Variants in SENP5 observed in about 807,000 individuals in gnomAD.
SENP5 encodes the protein sentrin-specific protease 5.
Under a neutral mutation model 74.2 loss-of-function variants are expected in SENP5, and 21 were observed. That is an observed-to-expected ratio of 0.28 (90% CI 0.20 to 0.41). The LOEUF is 0.41. Ranked by LOEUF, SENP5 falls within the 10% of genes least tolerant of loss-of-function variation. The pLI is 1.00. For missense variants in SENP5, 717 were observed against 889.1 expected, an observed-to-expected ratio of 0.81 and a Z score of 2.46; for synonymous variants, 311 against 312.7, an observed-to-expected ratio of 0.99 and a Z score of 0.06.
chr3:196,927,481 C>G (rs1243783360), intron 7 of SENP5, among the ~76,000 whole-genome samples: 1 of 152,006 alleles, frequency 6.6e-6, no homozygotes, highest in African/African-American at 2.4e-5. Context: ...AAATAAAGTC[C>G]CGGCTTTAGC....
intron 6 of SENP5, among the ~76,000 whole-genome samples, chr3:196,910,658 T>A (rs895003242): frequency 1.3e-5 from 2 of 152,036 alleles, no homozygotes; most frequent in Non-Finnish European, 2.9e-5. Flanking sequence ...CCAAAGTAAT[T>A]AATAGATTTA....
chr3:196,921,967 C>T (rs1715635726), intron 6 of SENP5, among the ~76,000 whole-genome samples: 1 of 152,110 alleles, frequency 6.6e-6, no homozygotes, highest in African/African-American at 2.4e-5. Flanking sequence ...ACTTTATCAC[C>T]CACTCTACAA....
At chr3:196,882,714 G>A (rs1270592883) in intron 1 of SENP5, among the ~76,000 whole-genome samples, 1 of 152,070 alleles carries the variant, frequency 6.6e-6, no homozygotes, top group African/African-American at 2.4e-5. Context: ...ATGTTGGCCA[G>A]GCTGGTCTCG....
intron 1 of SENP5, among the ~76,000 whole-genome samples, chr3:196,873,124 A>G (rs1713290840): frequency 7.5e-6 from 1 of 133,438 alleles, no homozygotes; most frequent in African/African-American, 2.9e-5. Context: ...CCCAGGCTGG[A>G]GTGCAGTGGC....
intron 1 of SENP5, among the ~76,000 whole-genome samples, chr3:196,868,806 T>C (rs1165164736): frequency 2.0e-5 from 3 of 152,156 alleles, no homozygotes; most frequent in African/African-American, 4.8e-5. Context: ...CAGACGTTAG[T>C]TATGAAATGT....
chr3:196,898,442 AT>A (rs1437565842), intron 2 of SENP5, among the ~76,000 whole-genome samples: 3 of 151,518 alleles, frequency 2.0e-5, no homozygotes, highest in African/African-American at 7.3e-5. Flanking sequence ...AAAAAAAAAA[AT>A]TAAAAAATTA....
intron 2 of SENP5, among the ~76,000 whole-genome samples, chr3:196,891,612 A>G (rs1283132136): frequency 1.3e-5 from 2 of 152,200 alleles, no homozygotes; most frequent in Admixed American, 1.3e-4. Context: ...AGGGATGTAT[A>G]TAGATTTAGC....
chr3:196,879,258 C>T (rs1479141461), intron 1 of SENP5, among the ~76,000 whole-genome samples: 1 of 152,158 alleles, frequency 6.6e-6, no homozygotes, highest in Non-Finnish European at 1.5e-5. Context: ...TGGGTTAGAT[C>T]AGTGTTTAGC....
chr3:196,879,754 C>T (rs1013103551), intron 1 of SENP5, among the ~76,000 whole-genome samples: 1 of 152,008 alleles, frequency 6.6e-6, no homozygotes, highest in African/African-American at 2.4e-5. Flanking sequence ...TCTCTGTAAA[C>T]CTTTTTTGTT....
At chr3:196,892,892 T>A (rs1473779940) in intron 2 of SENP5, among the ~76,000 whole-genome samples, 2 of 152,214 alleles carry the variant, frequency 1.3e-5, no homozygotes, top group African/African-American at 4.8e-5. Context: ...AAGGCTGAAT[T>A]GTATTCCATT....
At chr3:196,920,691 C>T (rs930416893) in intron 6 of SENP5, among the ~76,000 whole-genome samples, 9 of 152,152 alleles carry the variant, frequency 5.9e-5, no homozygotes, top group African/African-American at 1.9e-4. Context: ...AGTTTTTAAT[C>T]ATAAGTAAAT....
chr3:196,879,341 C>T (rs922213571), intron 1 of SENP5, among the ~76,000 whole-genome samples: 2 of 152,196 alleles, frequency 1.3e-5, no homozygotes, highest in South Asian at 2.1e-4. Flanking sequence ...ACTGTTTTCC[C>T]TTTCTTGTAC....
intron 6 of SENP5, among the ~76,000 whole-genome samples, chr3:196,916,092 A>C (rs1480301282): frequency 6.6e-6 from 1 of 152,190 alleles, no homozygotes; most frequent in Non-Finnish European, 1.5e-5. Flanking sequence ...TGGGAGGCTG[A>C]GGCAGGCAGA....
chr3:196,885,483 C>G lies in SENP5; in HGVS notation c.302C>G (p.Ala101Gly). 1.2e-6 allele frequency: 2 copies of G among 1,614,114 alleles called. No individual in the cohort carries two copies. The highest frequency in any genetic ancestry group is 1.7e-6 in the Non-Finnish European group (2 of 1,180,022). Residue 101 changes from alanine to glycine, a missense_variant, in exon 2 of 10, where the codon GCT becomes GGT. Coordinates refer to ENST00000323460, the MANE Select transcript of SENP5 (RefSeq NM_152699.5). The part of the protein sequence containing the change: ...TLSSKVKRKD[A>G]KHFISSSKTL... ...TCCTCTAAAGTGAAAAGAAAGGACG[C>G]TAAACACTTCATTTCCTCCTCAAAG...
intron 2 of SENP5, among the ~76,000 whole-genome samples, chr3:196,892,547 T>G (rs1714255375): frequency 6.6e-6 from 1 of 152,222 alleles, no homozygotes; most frequent in African/African-American, 2.4e-5. Flanking sequence ...ATAATCAGCA[T>G]ATCCATCACT....
intron 1 of SENP5, among the ~76,000 whole-genome samples, chr3:196,877,840 G>T (rs1260209138): frequency 6.6e-6 from 1 of 152,164 alleles, no homozygotes; most frequent in Non-Finnish European, 1.5e-5. Context: ...TGGTGTATAT[G>T]CTTTTAGACA....
rs1716151721 is a variant in SENP5 at position 196,934,053 on chromosome 3, T to G, written c.*3130T>G. 6.6e-6 allele frequency: 1 copy of G among 152,228 alleles called. No homozygotes were observed. The highest frequency in any genetic ancestry group is 2.4e-5 in the African/African-American group (1 of 41,458). 9.4% of individuals were successfully genotyped at this position (152,228 alleles called of 1,614,324 possible). A position where few individuals can be genotyped will look rare whatever the true frequency, so the allele number is the denominator to read the frequency against. ...GTGGTCTTTCCTTTTATTAAATCTA[T>G]AGCAGTGAATATAGATTTGATTCAA... On this transcript the variant is annotated 3_prime_UTR_variant, in exon 10 of 10. Coordinates refer to ENST00000323460, the MANE Select transcript of SENP5 (RefSeq NM_152699.5).
intron 1 of SENP5, among the ~76,000 whole-genome samples, chr3:196,877,628 A>G (rs890619965): frequency 2.0e-5 from 3 of 152,222 alleles, no homozygotes; most frequent in Non-Finnish European, 2.9e-5. Context: ...AAAGATTATG[A>G]TATCATCAAA....
At chr3:196,929,995 A>T (rs1715970693) in intron 9 of SENP5, among the ~76,000 whole-genome samples, 1 of 152,086 alleles carries the variant, frequency 6.6e-6, no homozygotes, top group Non-Finnish European at 1.5e-5. Context: ...CATAAAAAAA[A>T]AAAAAAAAAA....
Sources: allele counts gnomAD v4.1 joint callset (sites outside exome capture counted in the v4.1 genomes callset), GRCh38; gene constraint gnomAD v4.1.1; transcripts MANE v1.5; gene names NCBI Gene and HGNC (gene_info 2026-07-23, HGNC 2026-07-21).